The following GLRA3 variants were observed in gnomAD, a reference collection of about 807,000 sequenced individuals.
The protein encoded by GLRA3 is glycine receptor alpha 3, also known as glycine receptor subunit alpha-3.
A neutral mutation model predicts 60.4 loss-of-function variants in GLRA3; 44 were observed. The ratio of observed to expected loss-of-function variants is 0.73; its 90% CI spans 0.57 to 0.94. The LOEUF (loss-of-function observed/expected upper bound fraction) is 0.94, where lower values mean the gene tolerates loss of function less well. GLRA3 is among the 40% of genes least tolerant of loss of function. The pLI, the probability that GLRA3 is intolerant of heterozygous loss-of-function variation, is 0.00. For missense variants in GLRA3, 508 were observed against 564.6 expected (o/e 0.90, Z 1.02); for synonymous variants, 223 against 192.9 (o/e 1.16, Z -1.29).
Position 174,642,462 on chromosome 4 carries a change from A to T in GLRA3, c.*1324T>A. ...TTATGGTAAAAATAGTTAAAAAAAT[A>T]GCAAAACTGAAAAAGAGTCAGAGTC... On this transcript the variant is annotated 3_prime_UTR_variant, in exon 10 of 10. Coordinates refer to ENST00000274093, the MANE Select transcript of GLRA3 (RefSeq NM_006529.4). 1 of 977,432 alleles carries T rather than the reference A, an allele frequency of 1.0e-6. No individual in the cohort carries two copies. The highest frequency in any genetic ancestry group is 1.2e-6 in the Non-Finnish European group (1 of 822,662). The allele number at this position is 977,432 out of a possible 1,614,324, so 60.5% of individuals were successfully genotyped here.
In GLRA3 at chr4:174,805,510, G is replaced by A. The variant is rs116489906; in HGVS notation, c.72-16567C>T. Among the ~76,000 whole-genome samples, 868 of 152,148 alleles carry A rather than the reference G, an allele frequency of 5.7e-3. 5 individuals are homozygous for A. The highest frequency in any genetic ancestry group is 0.019 in the African/African-American group (807 of 41,500). ...TCATTGACTTCCTGCCCATTTCACT[G>A]AGCCATCTTGGAATCAGCTTCTCTA... On this transcript the variant is annotated intron_variant, in intron 1 of 9. Coordinates refer to ENST00000274093, the MANE Select transcript of GLRA3 (RefSeq NM_006529.4).
intron 3 of GLRA3, among the ~76,000 whole-genome samples, chr4:174,766,646 C>A (rs1738152369): frequency 6.6e-6 from 1 of 151,918 alleles, no homozygotes. Flanking sequence ...ATTTACTACT[C>A]TGCTTATGTC....
intron 3 of GLRA3, among the ~76,000 whole-genome samples, chr4:174,756,714 AG>A (rs1737716984): frequency 6.8e-6 from 1 of 146,646 alleles, no homozygotes; most frequent in Non-Finnish European, 1.5e-5. Context: ...GCGCGATCTC[AG>A]CTCACTGCAA....
chr4:174,687,025 C>T (rs532391761), intron 5 of GLRA3, among the ~76,000 whole-genome samples: 1 of 152,302 alleles, frequency 6.6e-6, no homozygotes, highest in South Asian at 2.1e-4. Flanking sequence ...GTCAAAACTG[C>T]TTTCATAACC....
At chr4:174,707,563 T>C (rs1349988421) in intron 5 of GLRA3, among the ~76,000 whole-genome samples, 1 of 152,092 alleles carries the variant, frequency 6.6e-6, no homozygotes, top group Non-Finnish European at 1.5e-5. Context: ...TAGGCCAATT[T>C]TAATACATGG....
chr4:174,820,510 A>G (rs1034709069), intron 1 of GLRA3, among the ~76,000 whole-genome samples: 5 of 152,204 alleles, frequency 3.3e-5, no homozygotes, highest in Non-Finnish European at 5.9e-5. Flanking sequence ...TAGACAGAGA[A>G]CTCAGACAGT....
intron 1 of GLRA3, among the ~76,000 whole-genome samples, chr4:174,803,545 C>T (rs111305479): frequency 3.3e-5 from 5 of 152,198 alleles, no homozygotes; most frequent in African/African-American, 1.2e-4. Context: ...AGTTGTTTTG[C>T]CTTGGGCAAG....
Position 174,794,310 on chromosome 4 carries a change from AT to A in GLRA3, c.72-5368del, listed in dbSNP as rs201737705. Among the ~76,000 whole-genome samples the A allele has an allele frequency of 7.7e-3, 1,169 of 152,308 alleles. 7 individuals carry two copies. The highest frequency in any genetic ancestry group is 0.013 in the South Asian group (65 of 4,824). Reference sequence around the variant, plus strand: ...TCATCTCTGTGCACTTTTTAAAAAAATATTACTCCAAATACAAGTAGTGGTA... The same window carrying A: ...TCATCTCTGTGCACTTTTTAAAAAAAATTACTCCAAATACAAGTAGTGGTA... On this transcript the variant is annotated intron_variant, in intron 1 of 9. Transcript: ENST00000274093.
chr4:174,651,962 C>T (rs555958401), intron 9 of GLRA3, among the ~76,000 whole-genome samples: 15 of 151,992 alleles, frequency 9.9e-5, no homozygotes, highest in South Asian at 2.1e-4. Flanking sequence ...TGTCTGCTCT[C>T]GCAGTAAGAC....
intron 8 of GLRA3, among the ~76,000 whole-genome samples, chr4:174,658,629 T>G (rs1344904389): frequency 6.6e-6 from 1 of 152,134 alleles, no homozygotes; most frequent in Non-Finnish European, 1.5e-5. Context: ...CATCATGGTA[T>G]TAGTAAATAA....
chr4:174,807,851 A>G (rs1740109210), intron 1 of GLRA3, among the ~76,000 whole-genome samples: 2 of 152,148 alleles, frequency 1.3e-5, no homozygotes, highest in Admixed American at 6.6e-5. Flanking sequence ...CAAATACTCT[A>G]CCTGCATAAA....
chr4:174,775,336 G>C (rs1738557251), intron 2 of GLRA3, among the ~76,000 whole-genome samples: 1 of 152,046 alleles, frequency 6.6e-6, no homozygotes, highest in Non-Finnish European at 1.5e-5. Flanking sequence ...ATGAGTTTGG[G>C]TACACATGCC....
At chr4:174,711,607 T>G (rs1332257922) in intron 5 of GLRA3, among the ~76,000 whole-genome samples, 1 of 151,836 alleles carries the variant, frequency 6.6e-6, no homozygotes, top group Admixed American at 6.6e-5. Context: ...GCCTGGCTAA[T>G]TTTTGTATTT....
chr4:174,668,688 G>C (rs1026880911), intron 7 of GLRA3, among the ~76,000 whole-genome samples: 1 of 152,108 alleles, frequency 6.6e-6, no homozygotes, highest in African/African-American at 2.4e-5. Context: ...AAAAGAAATT[G>C]ATTAAACCAG....
chr4:174,691,389 TC>T (rs1734791777), intron 5 of GLRA3, among the ~76,000 whole-genome samples: 3 of 152,028 alleles, frequency 2.0e-5, no homozygotes, highest in Admixed American at 6.5e-5. Flanking sequence ...CCCCTCTCTC[TC>T]CCCACGGTCT....
intron 3 of GLRA3, among the ~76,000 whole-genome samples, chr4:174,760,484 T>C (rs545832910): frequency 6.6e-6 from 1 of 152,110 alleles, no homozygotes; most frequent in Non-Finnish European, 1.5e-5. Context: ...CCCTGTAGAA[T>C]AGCTTGCATA....
intron 2 of GLRA3, among the ~76,000 whole-genome samples, chr4:174,767,906 C>T (rs1561105540): frequency 6.6e-6 from 1 of 152,112 alleles, no homozygotes; most frequent in African/African-American, 2.4e-5. Flanking sequence ...ATAGAATTTT[C>T]CAGGTCCTTT....
At chr4:174,728,041 T>C (rs1359986005) in intron 4 of GLRA3, among the ~76,000 whole-genome samples, 1 of 152,156 alleles carries the variant, frequency 6.6e-6, no homozygotes, top group African/African-American at 2.4e-5. Context: ...AGCTCAAGGA[T>C]ATTTTTAAAA....
rs190697606 is a variant in GLRA3, at chr4:174,704,268, C to T, written c.574+11220G>A. ...GAGGTCACACCACTGCACTCCAGCGCGGGCAACAGAGTCAGACCCTATATA... is the reference window on the plus strand; with the variant it reads ...GAGGTCACACCACTGCACTCCAGCGTGGGCAACAGAGTCAGACCCTATATA... On this transcript the variant is annotated intron_variant, in intron 5 of 9. Coordinates refer to ENST00000274093, the MANE Select transcript of GLRA3 (RefSeq NM_006529.4). 9.1e-5 allele frequency among the ~76,000 whole-genome samples: 13 copies of T among 143,438 alleles called. 2 individuals are homozygous for T. The South Asian group carries it at 1.1e-3, about 12-fold the overall frequency. 94.1% of individuals were successfully genotyped at this position (143,438 alleles called of 152,430 possible).
Sources: allele counts gnomAD v4.1 joint callset (sites outside exome capture counted in the v4.1 genomes callset), GRCh38; gene constraint gnomAD v4.1.1; transcripts MANE v1.5; gene names NCBI Gene and HGNC (gene_info 2026-07-23, HGNC 2026-07-21).